The following B3GAT1 variants were observed in gnomAD, a reference collection of about 807,000 sequenced individuals.
B3GAT1 encodes beta-1,3-glucuronyltransferase 1.
In B3GAT1, 11 loss-of-function variants were observed where a neutral mutation model predicts 28.4. The ratio of observed to expected loss-of-function variants is 0.39; its 90% CI spans 0.24 to 0.64. B3GAT1 has a LOEUF of 0.64. B3GAT1 is among the 30% of genes least tolerant of loss of function. The pLI is 0.50. For synonymous variants in B3GAT1, 255 were observed against 223.1 expected (o/e 1.14, Z -1.27); for missense variants, 375 against 491.0 (o/e 0.76, Z 2.23).
chr11:134,387,164 T>C, intron 2 of B3GAT1: 1 of 195,848 alleles, frequency 5.1e-6, no homozygotes. Context: ...AAAACCACTT[T>C]CCTTCCTACC....
intron 1 of B3GAT1, among the ~76,000 whole-genome samples, chr11:134,401,999 C>T (rs117735303): frequency 0.1 from 14,403 of 137,264 alleles, 1,114 homozygotes; most frequent in Non-Finnish European, 0.13. Flanking sequence ...TGACCACTGT[C>T]GGGAGGCGGG....
At position 134,392,174 on chromosome 11, in the gene B3GAT1, G is replaced by A. The variant is rs186035125; in HGVS notation, c.-281-4234C>T. The A allele has an allele frequency of 2.3e-3, 344 of 149,536 alleles. 1 individual carries two copies. The highest frequency in any genetic ancestry group is 3.6e-3 in the Non-Finnish European group (242 of 68,168). The allele number at this position is 149,536 out of a possible 1,614,324, so 9.3% of individuals were successfully genotyped here. A position where few individuals can be genotyped will look rare whatever the true frequency, so the allele number is the denominator to read the frequency against. On this transcript the variant is annotated intron_variant, in intron 1 of 5. Coordinates refer to ENST00000312527, the MANE Select transcript of B3GAT1 (RefSeq NM_054025.3). The stretch of plus-strand genomic sequence containing the variant: ...CTAGGGCCAGAGGCGAGGCAAGAGC[G>A]CCAACAAAACAGCCTCCGTGGAACT...
chr11:134,403,983 TTATATATATATATATATATATA>T lies in B3GAT1; in HGVS notation c.-282+7802_-282+7823del, dbSNP rs55794505. 1.7e-3 allele frequency among the ~76,000 whole-genome samples: 71 copies of T among 40,684 alleles called. 3 individuals carry two copies. The East Asian group carries it at 0.02, about 11-fold the overall frequency. The allele number at this position is 40,684 out of a possible 152,430, so 26.7% of individuals were successfully genotyped here. A position where few individuals can be genotyped will look rare whatever the true frequency, so the allele number is the denominator to read the frequency against. The stretch of plus-strand genomic sequence containing the variant: ...TTTAACGGGTACAGAGTTTCTTTCT[TTATATATATATATATATATATA>T]TATATATATATATATATATATATAT... On this transcript the variant is annotated intron_variant, in intron 1 of 5. Transcript: ENST00000312527.
chr11:134,407,709 A>T (rs1473235779), intron 1 of B3GAT1, among the ~76,000 whole-genome samples: 1 of 151,936 alleles, frequency 6.6e-6, no homozygotes, highest in African/African-American at 2.4e-5. Context: ...GCTAAACCTC[A>T]TTAGAAAAGT....
Position 134,384,161 on chromosome 11 carries a change from G to C in B3GAT1, c.140C>G (p.Thr47Arg). The change falls in exon 3 of 6, where the codon ACG (threonine) becomes AGG (arginine). Residue 47 changes from threonine (T) to arginine (R), a missense_variant. By Grantham distance (71) the Thr-to-Arg change is moderately conservative. Transcript: ENST00000312527. ...CTCCCTGGGGTCGGCGCCGGGCGGC[G>C]TTTCGCGTCGGGGGTCACTGCCCTC... ...KDEGSDPRRE[T>R]PPGADPREYC... is the part of the protein sequence containing the mutation. 2 of 1,551,476 alleles carry C rather than the reference G, an allele frequency of 1.3e-6. No individual in the cohort carries two copies. Among genetic ancestry groups the C allele is most frequent in the South Asian group, 1.2e-5 (1 of 83,716 alleles).
rs1944104319 is a variant in B3GAT1, at chr11:134,380,734, TGAG to T, written c.*25_*27del. ...AGGATGGAAGGCCAAGAACAGGGTC[TGAG>T]GAGGAGGCTCCTGTGAGGGGAGAGG... On this transcript the variant is annotated 3_prime_UTR_variant, in exon 6 of 6. Transcript: ENST00000312527. 1 of 152,644 alleles carries T rather than the reference TGAG, an allele frequency of 6.6e-6. No individual in the cohort carries two copies. Among genetic ancestry groups the T allele is most frequent in the African/African-American group, 2.4e-5 (1 of 41,404 alleles). 9.5% of individuals were successfully genotyped at this position (152,644 alleles called of 1,614,324 possible). A position where few individuals can be genotyped will look rare whatever the true frequency, so the allele number is the denominator to read the frequency against.
In B3GAT1 at chr11:134,384,119, C is replaced by T. The variant is rs535794361; in HGVS notation, c.182G>A (p.Arg61His). 7.6e-6 allele frequency: 12 copies of T among 1,586,258 alleles called. No homozygotes were observed. The highest frequency in any genetic ancestry group is 4.0e-5 in the African/African-American group (3 of 74,726). The change falls in exon 3 of 6, where the codon CGC (arginine) becomes CAC (histidine). Residue 61 changes from arginine (R) to histidine (H), a missense_variant. Transcript: ENST00000312527. Reference protein sequence around the residue: ...ADPREYCTSDRDIVEVVRTEY... With the variant: ...ADPREYCTSDHDIVEVVRTEY... ...GGTGCGCACCACCTCCACGATGTCG[C>T]GGTCAGACGTGCAGTACTCCCTGGG...
intron 3 of B3GAT1, among the ~76,000 whole-genome samples, chr11:134,383,238 C>T (rs1211788776): frequency 1.3e-5 from 2 of 152,178 alleles, no homozygotes; most frequent in Non-Finnish European, 2.9e-5. Context: ...ACGGCCTGGT[C>T]TTCCCCTTCT....
Position 134,403,979 on chromosome 11 carries a change from TTCTTTA to T in B3GAT1, c.-282+7822_-282+7827del, listed in dbSNP as rs1443630142. On this transcript the variant is annotated intron_variant, in intron 1 of 5. Transcript: ENST00000312527. ...GTCATTTAACGGGTACAGAGTTTCT[TTCTTTA>T]TATATATATATATATATATATATAT... is the stretch of plus-strand genomic sequence containing the variant. Among the ~76,000 whole-genome samples the T allele has an allele frequency of 2.7e-3, 265 of 96,958 alleles. 5 individuals are homozygous for T. The highest frequency in any genetic ancestry group is 0.01 in the African/African-American group (249 of 24,046). The allele number at this position is 96,958 out of a possible 152,430, so 63.6% of individuals were successfully genotyped here. A position where few individuals can be genotyped will look rare whatever the true frequency, so the allele number is the denominator to read the frequency against.
Position 134,379,098 on chromosome 11 carries a change from A to C in B3GAT1, c.*1664T>G, listed in dbSNP as rs1944071386. 6.6e-6 allele frequency: 1 copy of C among 152,196 alleles called. No homozygotes were observed. Among genetic ancestry groups the C allele is most frequent in the Non-Finnish European group, 1.5e-5 (1 of 68,028 alleles). The allele number at this position is 152,196 out of a possible 1,614,324, so 9.4% of individuals were successfully genotyped here. ...ATCCAGGGTGTAAGAGGTTGGGGAA[A>C]ACGTCCTGCAAGGTGGCTCAGGGAT... On this transcript the variant is annotated 3_prime_UTR_variant, in exon 6 of 6. Transcript: ENST00000312527.
intron 1 of B3GAT1, among the ~76,000 whole-genome samples, chr11:134,405,607 G>A (rs780867351): frequency 3.3e-5 from 5 of 151,986 alleles, no homozygotes; most frequent in Non-Finnish European, 5.9e-5. Context: ...TCAGCGTTGC[G>A]CCCCGACCCC....
In B3GAT1 at chr11:134,383,809, C is replaced by A; in HGVS notation, c.492G>T (p.Pro164=). ...CCAGGTTGCGCTGCATGGTGCCCCG[C>A]GGGATGCGTGGGTCGCGGGCGTCTC... ...LRGDARDPRI[P]RGTMQRNLAL... Residue 164 remains proline, a synonymous_variant, in exon 3 of 6, where the codon CCG becomes CCT. Coordinates refer to ENST00000312527, the MANE Select transcript of B3GAT1 (RefSeq NM_054025.3). 6.3e-7 allele frequency: 1 copy of A among 1,596,696 alleles called. No homozygotes were observed. The highest frequency in any genetic ancestry group is 8.5e-7 in the Non-Finnish European group (1 of 1,172,700).
intron 1 of B3GAT1, among the ~76,000 whole-genome samples, chr11:134,398,000 G>A (rs1211148558): frequency 6.6e-6 from 1 of 152,208 alleles, no homozygotes; most frequent in African/African-American, 2.4e-5. Context: ...CCTGCTCCCT[G>A]CCTGCTCCCT....
chr11:134,403,125 G>A (rs1415648036), intron 1 of B3GAT1, among the ~76,000 whole-genome samples: 6 of 152,050 alleles, frequency 3.9e-5, no homozygotes, highest in Admixed American at 6.5e-5. Context: ...GCACCAGGGC[G>A]GCTACGGATC....
At chr11:134,385,547 G>A (rs898561238) in intron 2 of B3GAT1, 11 of 152,346 alleles carry the variant, frequency 7.2e-5, no homozygotes, top group African/African-American at 2.4e-4. Flanking sequence ...GAGCAACGTG[G>A]AAGAAAGCGG....
Position 134,384,177 on chromosome 11 carries a change from C to T in B3GAT1, c.124G>A (p.Asp42Asn). The change falls in exon 3 of 6, where the codon GAC becomes AAC. Residue 42 changes from aspartate (D) to asparagine (N), a missense_variant. Coordinates refer to ENST00000312527, the MANE Select transcript of B3GAT1 (RefSeq NM_054025.3). ...LLAVHKDEGS[D>N]PRRETPPGAD... ...CCGGGCGGCGTTTCGCGTCGGGGGT[C>T]ACTGCCCTCATCTGCGGAGTCGGGA... 3 of 1,542,922 alleles carry T rather than the reference C, an allele frequency of 1.9e-6. No individual in the cohort carries two copies. Among genetic ancestry groups the T allele is most frequent in the Non-Finnish European group, 2.6e-6 (3 of 1,145,202 alleles).
At chr11:134,404,129 C>A (rs546558509) in intron 1 of B3GAT1, among the ~76,000 whole-genome samples, 5 of 150,868 alleles carry the variant, frequency 3.3e-5, no homozygotes, top group South Asian at 4.2e-4. Context: ...ATTAACTCAT[C>A]ATTTAGCATT....
rs564231396 is a variant in B3GAT1 at position 134,383,557 on chromosome 11, G to A, written c.621+123C>T. The A allele has an allele frequency of 8.3e-5, 108 of 1,304,760 alleles. No individual in the cohort carries two copies. The African/African-American group carries it at 1.2e-3, about 14-fold the overall frequency. The allele number at this position is 1,304,760 out of a possible 1,614,324, so 80.8% of individuals were successfully genotyped here. On this transcript the variant is annotated intron_variant, in intron 3 of 5. Coordinates refer to ENST00000312527, the MANE Select transcript of B3GAT1 (RefSeq NM_054025.3). ...TCCCTGGCTCTCTGCTGCCTGCCCC[G>A]CTCCCAGCCCGGCTTCCCGGGTTCC... is the stretch of plus-strand genomic sequence containing the variant.
chr11:134,384,060 C>A lies in B3GAT1; in HGVS notation c.241G>T (p.Asp81Tyr). The A allele has an allele frequency of 1.9e-6, 3 of 1,604,138 alleles. No homozygotes were observed. Among genetic ancestry groups the A allele is most frequent in the Non-Finnish European group, 1.7e-6 (2 of 1,178,456 alleles). Residue 81 changes from aspartate (D) to tyrosine (Y), a missense_variant, in exon 3 of 6, where the codon GAC becomes TAC. By Grantham distance (160) the Asp-to-Tyr change is radical. Coordinates refer to ENST00000312527, the MANE Select transcript of B3GAT1 (RefSeq NM_054025.3). ...YVYTRPPPWSDTLPTIHVVTP... is the reference protein window; with the variant it reads ...YVYTRPPPWSYTLPTIHVVTP... ...ACCACGTGGATGGTGGGCAGCGTGT[C>A]GGACCATGGCGGGGGCCGCGTGTAC...
Sources: gnomAD v4.1 joint callset for allele counts (sites outside exome capture counted in the v4.1 genomes callset) on GRCh38, gnomAD v4.1.1 for gene constraint, MANE v1.5 for transcripts, NCBI Gene and HGNC (gene_info 2026-07-23, HGNC 2026-07-21) for gene names.